The following SLC25A35 variants were observed in gnomAD, a reference collection of about 807,000 sequenced individuals.
The protein encoded by SLC25A35 is solute carrier family 25 member 35, also known as solute carrier family 25, member 35.
A neutral mutation model predicts 30.5 loss-of-function variants in SLC25A35; 32 were observed. That is an observed-to-expected ratio of 1.05 (90% CI 0.79 to 1.41). The LOEUF (loss-of-function observed/expected upper bound fraction) is 1.41, where lower values mean the gene tolerates loss of function less well. Among genes scored for constraint, SLC25A35 ranks in the 40% most tolerant of loss-of-function variants. The pLI, the probability that SLC25A35 is intolerant of heterozygous loss-of-function variation, is 0.00. For missense variants in SLC25A35, 369 were observed against 388.0 expected, an observed-to-expected ratio of 0.95 and a Z score of 0.41; for synonymous variants, 142 against 158.1, an observed-to-expected ratio of 0.90 and a Z score of 0.77.
downstream of SLC25A35, chr17:8,290,039 C>A (rs550366114): frequency 1.9e-6 from 3 of 1,596,036 alleles, no homozygotes; most frequent in Admixed American, 1.7e-5. Flanking sequence ...CTTCCCTGTG[C>A]GTAAACATAA....
chr17:8,292,328 C>A (rs1336671104), intron 2 of SLC25A35, among the ~76,000 whole-genome samples, 195 bp downstream of exon 2: 4 of 152,198 alleles, frequency 2.6e-5, no homozygotes, highest in Admixed American at 2.0e-4. Context: ...CAATGCACTT[C>A]AGCCTGGGCA....
chr17:8,289,475 GTAAGCATCCTGAC>G (rs1567657108), downstream of SLC25A35: 1 of 1,614,188 alleles, frequency 6.2e-7, no homozygotes, highest in Admixed American at 1.7e-5. Flanking sequence ...AGAGATCCAG[GTAAGCATCCTGAC>G]TCTGATCCCC....
downstream of SLC25A35, chr17:8,290,058 C>G: frequency 2.6e-6 from 4 of 1,567,762 alleles, no homozygotes; most frequent in Non-Finnish European, 3.5e-6. Flanking sequence ...AAGACAATCC[C>G]TCTTCAGAAT....
In SLC25A35 at chr17:8,295,346, A is replaced by G; in HGVS notation, c.-539T>C. 3 of 985,758 alleles carry G rather than the reference A, an allele frequency of 3.0e-6. No individual in the cohort carries two copies. The highest frequency in any genetic ancestry group is 3.6e-6 in the Non-Finnish European group (3 of 830,230). The allele number at this position is 985,758 out of a possible 1,614,324, so 61.1% of individuals were successfully genotyped here. ...TCCCCAGGCAGCCACCGGAGCTCGC[A>G]GTAGCTTCAACCCCGGGTAGCCTGC... On this transcript the variant is annotated 5_prime_UTR_variant, in exon 1 of 5. Transcript: ENST00000577745.
rs757049111 is a variant in SLC25A35, at chr17:8,292,570, C to T, written c.394G>A (p.Ala132Thr). Residue 132 changes from alanine to threonine, a missense_variant, in exon 2 of 5, where the codon GCA becomes ACA. Coordinates refer to ENST00000577745, the MANE Select transcript of SLC25A35 (RefSeq NM_001320870.2). The stretch of plus-strand genomic sequence containing the variant: ...ACAGCAATTTCTGAGGCTGCCTGTG[C>T]CTGCAGGTGTGTCTTCACCTGGGAA... ...PIYMVKTHLQ[A>T]QAASEIAVGH... 2 of 1,613,972 alleles carry T rather than the reference C, an allele frequency of 1.2e-6. No individual in the cohort carries two copies. The highest frequency in any genetic ancestry group is 2.2e-5 in the South Asian group (2 of 91,086).
Position 8,295,300 on chromosome 17 carries a change from A to G in SLC25A35, c.-493T>C. 1 of 986,650 alleles carries G rather than the reference A, an allele frequency of 1.0e-6. No homozygotes were observed. Among genetic ancestry groups the G allele is most frequent in the African/African-American group, 1.7e-5 (1 of 57,398 alleles). The allele number at this position is 986,650 out of a possible 1,614,324, so 61.1% of individuals were successfully genotyped here. A position where few individuals can be genotyped will look rare whatever the true frequency, so the allele number is the denominator to read the frequency against. On this transcript the variant is annotated 5_prime_UTR_variant, in exon 1 of 5. Transcript: ENST00000577745. ...CGAGAAAGAAGTCAGGACTCTGGCC[A>G]GGAATGAGCGTCCCTGAGCGTCCCC...
In SLC25A35 at chr17:8,290,477, C is replaced by T; in HGVS notation, c.*28G>A. The T allele has an allele frequency of 1.3e-6, 2 of 1,533,508 alleles. No individual in the cohort carries two copies. The highest frequency in any genetic ancestry group is 1.7e-6 in the Non-Finnish European group (2 of 1,145,486). 95.0% of individuals were successfully genotyped at this position (1,533,508 alleles called of 1,614,324 possible). ...GAGGCACAAGTGGCCAAGGAGTGCT[C>T]ATTTGGTGGAGACTGGGAAAGCGGC... On this transcript the variant is annotated 3_prime_UTR_variant, in exon 5 of 5. Coordinates refer to ENST00000577745, the MANE Select transcript of SLC25A35 (RefSeq NM_001320870.2).
chr17:8,289,967 G>C (rs764685778), downstream of SLC25A35: 3 of 1,613,524 alleles, frequency 1.9e-6, no homozygotes, highest in Non-Finnish European at 2.5e-6. Context: ...ATGTTGCTGA[G>C]AACTTGGGGA....
At chr17:8,292,413 G>A (rs1266836064) in intron 2 of SLC25A35, 110 bp downstream of exon 2, 13 of 1,077,016 alleles carry the variant, frequency 1.2e-5, no homozygotes, top group Admixed American at 6.9e-5. Flanking sequence ...GGACAGAACC[G>A]ATGGGTTGAG....
chr17:8,293,735 T>C (rs969117673), intron 1 of SLC25A35, among the ~76,000 whole-genome samples: 4 of 149,790 alleles, frequency 2.7e-5, no homozygotes, highest in Admixed American at 2.7e-4. Context: ...GTATTTTTAG[T>C]AGAGACGGGG....
chr17:8,289,092 C>G, downstream of SLC25A35: 1 of 1,612,362 alleles, frequency 6.2e-7, no homozygotes, highest in Non-Finnish European at 8.5e-7. Flanking sequence ...TGGCCCCCGG[C>G]TGGCCAATGG....
downstream of SLC25A35, chr17:8,289,588 C>G: frequency 6.2e-7 from 1 of 1,611,812 alleles, no homozygotes; most frequent in African/African-American, 1.3e-5. Context: ...AATCAGCCCC[C>G]GTAAGGAGGA....
At chr17:8,291,001 T>C (rs6503098) in intron 3 of SLC25A35, 25 bp from the exon 4 acceptor site, 1,240,143 of 1,612,644 alleles carry the variant, frequency 0.77, 485,065 homozygotes, top group Non-Finnish European at 0.81. Flanking sequence ...AGGAAGAGCG[T>C]TGTCAACCAG....
intron 2 of SLC25A35, among the ~76,000 whole-genome samples, chr17:8,291,848 G>C (rs957940000): frequency 2.6e-4 from 40 of 152,286 alleles, no homozygotes; most frequent in Middle Eastern, 3.4e-3. Flanking sequence ...TCAGGAGTTT[G>C]AGACCAGCTT....
chr17:8,290,930 A>C lies in SLC25A35; in HGVS notation c.641T>G (p.Met214Arg), dbSNP rs368692556. 6.2e-7 allele frequency: 1 copy of C among 1,614,000 alleles called. No homozygotes were observed. Among genetic ancestry groups the C allele is most frequent in the African/African-American group, 1.3e-5 (1 of 74,922 alleles). Residue 214 changes from methionine to arginine, a missense_variant, in exon 4 of 5, where the codon ATG becomes AGG. Coordinates refer to ENST00000577745, the MANE Select transcript of SLC25A35 (RefSeq NM_001320870.2). ...SWKLALVAAM[M>R]SGIAVVLAMA... ...GGCCAAGACAACTGCAATGCCACTC[A>C]TCATGGCAGCCACCAGCGCCAACTT...
Position 8,292,547 on chromosome 17 carries a change from A to G in SLC25A35, c.417T>C (p.Ala139=). ...CCTGATGCTTATACTGGTGCCCTAC[A>G]GCAATTTCTGAGGCTGCCTGTGCCT... ...HLQAQAASEI[A]VGHQYKHQGM... is the part of the protein sequence containing the mutation. Residue 139 remains alanine, a synonymous_variant, in exon 2 of 5, where the codon GCT becomes GCC. Coordinates refer to ENST00000577745, the MANE Select transcript of SLC25A35 (RefSeq NM_001320870.2). The G allele has an allele frequency of 6.2e-7, 1 of 1,614,128 alleles. No individual in the cohort carries two copies. The highest frequency in any genetic ancestry group is 8.5e-7 in the Non-Finnish European group (1 of 1,180,002).
At chr17:8,288,861 G>A, downstream of SLC25A35, 2 of 1,614,232 alleles carry the variant, frequency 1.2e-6, no homozygotes, top group Non-Finnish European at 1.7e-6. Context: ...GGCCATTGAC[G>A]TAAGGTGAGA....
Position 8,290,421 on chromosome 17 carries a change from C to T in SLC25A35, c.*84G>A. ...TCCCCCATGGATGGATGAAAGGTCACCTAATCAGTAGTCACCAGGACATAG... is the reference window on the plus strand; with the variant it reads ...TCCCCCATGGATGGATGAAAGGTCATCTAATCAGTAGTCACCAGGACATAG... On this transcript the variant is annotated 3_prime_UTR_variant, in exon 5 of 5. Coordinates refer to ENST00000577745, the MANE Select transcript of SLC25A35 (RefSeq NM_001320870.2). The T allele has an allele frequency of 1.3e-6, 2 of 1,491,360 alleles. No individual in the cohort carries two copies. The highest frequency in any genetic ancestry group is 1.8e-6 in the Non-Finnish European group (2 of 1,122,976). 92.4% of individuals were successfully genotyped at this position (1,491,360 alleles called of 1,614,324 possible).
intron 1 of SLC25A35, among the ~76,000 whole-genome samples, chr17:8,294,153 G>T (rs1990703602): frequency 6.6e-6 from 1 of 151,990 alleles, no homozygotes; most frequent in Non-Finnish European, 1.5e-5. Flanking sequence ...CTGACCTCGT[G>T]ATCCGCCCGC....
Sources: gnomAD v4.1 joint callset for allele counts (sites outside exome capture counted in the v4.1 genomes callset) on GRCh38, gnomAD v4.1.1 for gene constraint, MANE v1.5 for transcripts, NCBI Gene and HGNC (gene_info 2026-07-23, HGNC 2026-07-21) for gene names.